Variants in MAN2A1 observed in about 807,000 individuals in gnomAD.
MAN2A1 encodes alpha-mannosidase 2.
Under a neutral mutation model 142.6 loss-of-function variants are expected in MAN2A1, and 76 were observed. That is an observed-to-expected ratio of 0.53 (90% CI 0.44 to 0.65). The LOEUF (loss-of-function observed/expected upper bound fraction) is 0.65, where lower values mean the gene tolerates loss of function less well. MAN2A1 is among the 30% of genes least tolerant of loss of function. MAN2A1 has a pLI of 0.00. For synonymous variants in MAN2A1, 559 were observed against 473.2 expected, an observed-to-expected ratio of 1.18 and a Z score of -2.35; for missense variants, 1,311 against 1,365.1, an observed-to-expected ratio of 0.96 and a Z score of 0.62.
At chr5:109,808,363 A>G (rs1306064136) in intron 12 of MAN2A1, among the ~76,000 whole-genome samples, 2 of 152,198 alleles carry the variant, frequency 1.3e-5, no homozygotes, top group Non-Finnish European at 2.9e-5. Context: ...CCTAGAACCT[A>G]GAGGAGGTAA....
chr5:109,836,139 C>T (rs897606971), intron 16 of MAN2A1, among the ~76,000 whole-genome samples: 1 of 151,230 alleles, frequency 6.6e-6, no homozygotes, highest in Non-Finnish European at 1.5e-5. Flanking sequence ...GATGGAGTCC[C>T]ACTCTGTTGC....
At chr5:109,734,632 A>G (rs1234111532) in intron 4 of MAN2A1, among the ~76,000 whole-genome samples, 1 of 152,176 alleles carries the variant, frequency 6.6e-6, no homozygotes, top group Non-Finnish European at 1.5e-5. Context: ...TTATGTACCC[A>G]GTAGTCATTC....
intron 19 of MAN2A1, among the ~76,000 whole-genome samples, chr5:109,848,414 G>A (rs1755395911): frequency 6.6e-6 from 1 of 152,120 alleles, no homozygotes; most frequent in Admixed American, 6.5e-5. Context: ...CTGAGCATGG[G>A]CTTTTTCTTT....
At chr5:109,800,088 C>CAA (rs3065546) in intron 12 of MAN2A1, among the ~76,000 whole-genome samples, 177 of 124,072 alleles carry the variant, frequency 1.4e-3, no homozygotes, top group African/African-American at 4.8e-3. Context: ...ACTGTTGTCT[C>CAA]AAAAAAAAAA....
chr5:109,777,964 A>G (rs1288962731), intron 8 of MAN2A1, among the ~76,000 whole-genome samples: 1 of 151,988 alleles, frequency 6.6e-6, no homozygotes, highest in Non-Finnish European at 1.5e-5. Context: ...CAGTTTTATA[A>G]TAGGTTTTAA....
At chr5:109,793,220 A>G (rs1035414863) in intron 12 of MAN2A1, among the ~76,000 whole-genome samples, 9 of 152,228 alleles carry the variant, frequency 5.9e-5, no homozygotes, top group Admixed American at 1.3e-4. Flanking sequence ...CCATTATGCT[A>G]TTAGCCCCAA....
At chr5:109,708,389 G>A (rs1437325399) in intron 1 of MAN2A1, among the ~76,000 whole-genome samples, 1 of 152,006 alleles carries the variant, frequency 6.6e-6, no homozygotes, top group African/African-American at 2.4e-5. Flanking sequence ...GTAAGGAAGG[G>A]GGATAATGAG....
intron 20 of MAN2A1, among the ~76,000 whole-genome samples, chr5:109,860,820 AG>A (rs2112442199): frequency 6.6e-6 from 1 of 152,318 alleles, no homozygotes; most frequent in African/African-American, 2.4e-5. Context: ...CAATTTCCAA[AG>A]CTTGGTTTCT....
At chr5:109,846,038 A>G (rs1755336905) in intron 18 of MAN2A1, 32 bp downstream of exon 18, 1 of 1,566,126 alleles carries the variant, frequency 6.4e-7, no homozygotes, top group African/African-American at 1.4e-5. Flanking sequence ...TTCCACTCTG[A>G]AAGGTTTCAA....
chr5:109,845,923 C>T lies in MAN2A1; in HGVS notation c.2759C>T (p.Thr920Ile). 1 of 1,613,716 alleles carries T rather than the reference C, an allele frequency of 6.2e-7. No individual in the cohort carries two copies. The highest frequency in any genetic ancestry group is 8.5e-7 in the Non-Finnish European group (1 of 1,179,692). The change falls in exon 18 of 22, where the codon ACC becomes ATC. Residue 920 changes from threonine to isoleucine, a missense_variant. Thr to Ile is a moderately conservative substitution (Grantham distance 89). Around this residue, in one of 3 missense-constraint regions of MAN2A1, gnomAD observed 890 missense variants for 920.5 expected, o/e 0.97. Transcript: ENST00000261483. The stretch of plus-strand genomic sequence containing the variant: ...CTTCAAGCAAATGTCTATCCCATGA[C>T]CACAATGGCCTATATCCAGGATGCC... Reference protein sequence around the residue: ...LPLQANVYPMTTMAYIQDAKH... With the variant: ...LPLQANVYPMITMAYIQDAKH...
intron 5 of MAN2A1, among the ~76,000 whole-genome samples, chr5:109,755,702 G>A (rs1258711977): frequency 6.6e-6 from 1 of 150,724 alleles, no homozygotes; most frequent in Non-Finnish European, 1.5e-5. Context: ...ATTGGTTTTG[G>A]GATTATTTTA....
At chr5:109,789,082 G>A in intron 11 of MAN2A1, 34 bp downstream of exon 11, 1 of 1,092,288 alleles carries the variant, frequency 9.2e-7, no homozygotes, top group Non-Finnish European at 1.4e-6. Flanking sequence ...TCATAAAAAT[G>A]TGTAATTCCA....
At chr5:109,746,971 T>G (rs1196935334) in intron 4 of MAN2A1, among the ~76,000 whole-genome samples, 2 of 152,220 alleles carry the variant, frequency 1.3e-5, no homozygotes, top group Non-Finnish European at 2.9e-5. Flanking sequence ...TACATGATAT[T>G]CCCCTGTATG....
At chr5:109,789,098 C>G (rs1160352548) in intron 11 of MAN2A1, 50 bp downstream of exon 11, 1 of 905,462 alleles carries the variant, frequency 1.1e-6, no homozygotes, top group East Asian at 2.6e-5. Context: ...TTCCATTGTT[C>G]TTGCATTAGC....
At chr5:109,775,938 A>G (rs1227108147) in intron 8 of MAN2A1, among the ~76,000 whole-genome samples, 1 of 152,090 alleles carries the variant, frequency 6.6e-6, no homozygotes, top group Non-Finnish European at 1.5e-5. Context: ...ACATAATTAT[A>G]TATATTTATG....
rs1332106499 is a variant in MAN2A1 at position 109,868,100 on chromosome 5, A to G, written c.*1102A>G. 1.3e-5 allele frequency: 2 copies of G among 152,258 alleles called. No homozygotes were observed. Among genetic ancestry groups the G allele is most frequent in the African/African-American group, 2.4e-5 (1 of 41,466 alleles). The allele number at this position is 152,258 out of a possible 1,614,324, so 9.4% of individuals were successfully genotyped here. A position where few individuals can be genotyped will look rare whatever the true frequency, so the allele number is the denominator to read the frequency against. ...TGTTAATTAAAATGTGCTGCTGCCA[A>G]GGAAACTGCAACTTGAAGCAAGGAT... On this transcript the variant is annotated 3_prime_UTR_variant, in exon 22 of 22. Transcript: ENST00000261483.
rs55738132 is a variant in MAN2A1 at position 109,831,805 on chromosome 5, A to ATGTGTGTG, written c.2566+7988_2566+7995dup. Among the ~76,000 whole-genome samples, 197 of 144,882 alleles carry ATGTGTGTG rather than the reference A, an allele frequency of 1.4e-3. 1 individual carries two copies. The highest frequency in any genetic ancestry group is 4.7e-3 in the African/African-American group (188 of 40,032). ...TCATTACTTCTCTAAAACAAAAATC[A>ATGTGTGTG]TGTGTGTGTGTGTGTGTGTGTGTGT... On this transcript the variant is annotated intron_variant, in intron 16 of 21. Transcript: ENST00000261483.
intron 1 of MAN2A1, among the ~76,000 whole-genome samples, chr5:109,712,423 C>G (rs1751327220): frequency 6.6e-6 from 1 of 152,126 alleles, no homozygotes; most frequent in Non-Finnish European, 1.5e-5. Flanking sequence ...ATTTATATTT[C>G]TAAATTTTCA....
chr5:109,821,826 T>G (rs764860956), intron 15 of MAN2A1, among the ~76,000 whole-genome samples: 14 of 152,156 alleles, frequency 9.2e-5, no homozygotes, highest in Non-Finnish European at 1.6e-4. Context: ...TGTAAAATTT[T>G]TCTTATTGTG....
Sources: allele counts gnomAD v4.1 joint callset (sites outside exome capture counted in the v4.1 genomes callset), GRCh38; gene constraint gnomAD v4.1.1; regional missense constraint gnomAD v4.1.1; transcripts MANE v1.5; gene names NCBI Gene and HGNC (gene_info 2026-07-23, HGNC 2026-07-21).